PRRC2B: variants seen among roughly 807,000 people sequenced by gnomAD.
PRRC2B encodes the protein protein PRRC2B.
In PRRC2B, 68 loss-of-function variants were observed where a neutral mutation model predicts 242.3. The observed-to-expected ratio is 0.28, with a 90% CI of 0.23 to 0.34. The LOEUF is 0.34. PRRC2B is among the 10% of genes least tolerant of loss of function. The probability of loss-of-function intolerance (pLI) is 1.00; values close to 1 mark genes in which losing one functional copy is unlikely to be tolerated. For missense variants in PRRC2B, 2,835 were observed against 2,954.8 expected (o/e 0.96, Z 0.94); for synonymous variants, 1,228 against 1,173.6 (o/e 1.05, Z -0.95).
Position 131,475,579 on chromosome 9 carries a change from G to A in PRRC2B, c.3450G>A (p.Gln1150=). The change falls in exon 16 of 32, where the codon CAG becomes CAA. Residue 1150 remains glutamine (Q), a synonymous_variant. Coordinates refer to ENST00000683519, the MANE Select transcript of PRRC2B (RefSeq NM_013318.4). ...EYEELPKRRR[Q]RGSENGNEGS... ...AAGAACTTCCCAAGCGCCGCCGGCA[G>A]AGGGGCTCCGAGAACGGGAATGAAG... is the stretch of plus-strand genomic sequence containing the variant. 6.2e-7 allele frequency: 1 copy of A among 1,612,890 alleles called. No individual in the cohort carries two copies. Among genetic ancestry groups the A allele is most frequent in the Non-Finnish European group, 8.5e-7 (1 of 1,179,834 alleles).
intron 19 of PRRC2B, among the ~76,000 whole-genome samples, chr9:131,480,703 A>C (rs961201405): frequency 6.6e-6 from 1 of 151,728 alleles, no homozygotes; most frequent in Non-Finnish European, 1.5e-5. Flanking sequence ...CTTCTGCCTC[A>C]GCCTCCTGAG....
chr9:131,403,360 AT>A (rs908451570), intron 1 of PRRC2B, among the ~76,000 whole-genome samples: 5 of 150,566 alleles, frequency 3.3e-5, no homozygotes, highest in Admixed American at 6.6e-5. Flanking sequence ...TTATTTATTT[AT>A]TTTTTTTTGA....
At chr9:131,412,775 A>G (rs1216270775) in intron 1 of PRRC2B, among the ~76,000 whole-genome samples, 2 of 149,786 alleles carry the variant, frequency 1.3e-5, no homozygotes, top group Admixed American at 6.8e-5. Flanking sequence ...GGCCAAGAAT[A>G]ATCAAAGCAT....
At chr9:131,414,615 G>A (rs983857131) in intron 1 of PRRC2B, among the ~76,000 whole-genome samples, 1 of 148,470 alleles carries the variant, frequency 6.7e-6, no homozygotes, top group African/African-American at 2.5e-5. Flanking sequence ...GTGTCGCCCA[G>A]ACTGGAGTGT....
chr9:131,482,302 A>C lies in PRRC2B; in HGVS notation c.4984-69A>C. The C allele has an allele frequency of 6.8e-7, 1 of 1,471,448 alleles. No homozygotes were observed. The highest frequency in any genetic ancestry group is 9.2e-7 in the Non-Finnish European group (1 of 1,092,436). The allele number at this position is 1,471,448 out of a possible 1,614,324, so 91.1% of individuals were successfully genotyped here. Reference sequence around the variant, plus strand: ...TGGGGTAGAAAAGTCTCTGTGCCACATGCAGTTTTACTCTCTGGATAATCG... The same window carrying C: ...TGGGGTAGAAAAGTCTCTGTGCCACCTGCAGTTTTACTCTCTGGATAATCG... On this transcript the variant is annotated intron_variant, in intron 20 of 31. Coordinates refer to ENST00000683519, the MANE Select transcript of PRRC2B (RefSeq NM_013318.4). The surrounding 1 kb of genome is among the most constrained non-coding windows in gnomAD (Gnocchi z 5.2).
chr9:131,481,581 G>A (rs981892358), intron 19 of PRRC2B, 145 bp from the exon 20 acceptor site: 34 of 665,592 alleles, frequency 5.1e-5, no homozygotes, highest in Non-Finnish European at 8.6e-5. Flanking sequence ...TGGGTGTCAC[G>A]GGTAGGGGGC....
chr9:131,462,941 G>A (rs1373844850), intron 11 of PRRC2B, among the ~76,000 whole-genome samples: 2 of 149,866 alleles, frequency 1.3e-5, no homozygotes, highest in African/African-American at 2.4e-5. Flanking sequence ...CACATCAAAG[G>A]TCTTGACGGT....
At chr9:131,378,020 C>T (rs976737161) in intron 1 of PRRC2B, among the ~76,000 whole-genome samples, 10 of 152,162 alleles carry the variant, frequency 6.6e-5, no homozygotes, top group South Asian at 4.1e-4. Flanking sequence ...CCTTTCAAAG[C>T]GCTGGGATGG....
Position 131,495,727 on chromosome 9 carries a change from C to T in PRRC2B, c.6556-13C>T. ...TCAGGGTCACTTTGTTTTTCCCATT[C>T]ATCTGTCCAAAGGCAAAACAACGAG... On this transcript the variant is annotated splice_polypyrimidine_tract_variant and intron_variant, in intron 31 of 31. Transcript: ENST00000683519. 1.9e-6 allele frequency: 3 copies of T among 1,595,430 alleles called. No individual in the cohort carries two copies. Among genetic ancestry groups the T allele is most frequent in the Non-Finnish European group, 2.6e-6 (3 of 1,164,402 alleles).
chr9:131,497,718 A>T lies in PRRC2B; in HGVS notation c.*1844A>T, dbSNP rs1052912052. On this transcript the variant is annotated 3_prime_UTR_variant, in exon 32 of 32. Transcript: ENST00000683519. ...TTTACTGAAAGGTGCTTTACTGTTC[A>T]CCTGCATCTTTCAGCAGCTCCCCTC... The T allele has an allele frequency of 6.6e-6, 1 of 152,232 alleles. No individual in the cohort carries two copies. The highest frequency in any genetic ancestry group is 2.4e-5 in the African/African-American group (1 of 41,432). The allele number at this position is 152,232 out of a possible 1,614,324, so 9.4% of individuals were successfully genotyped here.
chr9:131,478,303 T>C (rs1407129331), intron 17 of PRRC2B, among the ~76,000 whole-genome samples, 171 bp from the exon 18 acceptor site: 1 of 152,136 alleles, frequency 6.6e-6, no homozygotes, highest in Non-Finnish European at 1.5e-5. Context: ...CTTGGGCCTC[T>C]TTGGTTTGGG....
intron 9 of PRRC2B, 64 bp downstream of exon 9, chr9:131,447,868 A>T: frequency 6.6e-7 from 1 of 1,506,788 alleles, no homozygotes; most frequent in African/African-American, 1.4e-5. Flanking sequence ...CTTACCAGGG[A>T]TGGAAACCCC....
chr9:131,486,484 T>C (rs773684906), intron 26 of PRRC2B: 4 of 985,386 alleles, frequency 4.1e-6, no homozygotes, highest in Non-Finnish European at 3.6e-6. Flanking sequence ...TGATCAGGTA[T>C]CCTTCTGATG....
At chr9:131,412,318 AT>A (rs1166530639) in intron 1 of PRRC2B, among the ~76,000 whole-genome samples, 1 of 151,264 alleles carries the variant, frequency 6.6e-6, no homozygotes, top group Non-Finnish European at 1.5e-5. Flanking sequence ...TTGATTCAAC[AT>A]TTTTTTTGTG....
At position 131,475,084 on chromosome 9, in the gene PRRC2B, G is replaced by A; in HGVS notation, c.2955G>A (p.Lys985=). 1 of 1,611,232 alleles carries A rather than the reference G, an allele frequency of 6.2e-7. No individual in the cohort carries two copies. Among genetic ancestry groups the A allele is most frequent in the South Asian group, 1.1e-5 (1 of 90,412 alleles). ...AGGAGCAGAGCCCCACGGCAGAAAA[G>A]GATGAGGACGAAGAGAACGATGCCT... is the stretch of plus-strand genomic sequence containing the variant. ...KEKEQSPTAE[K]DEDEENDASL... Residue 985 remains lysine (K), a synonymous_variant, in exon 16 of 32, where the codon AAG becomes AAA. Transcript: ENST00000683519.
intron 13 of PRRC2B, among the ~76,000 whole-genome samples, chr9:131,470,351 C>T (rs976728930): frequency 5.9e-5 from 9 of 152,172 alleles, no homozygotes; most frequent in Non-Finnish European, 1.3e-4. Flanking sequence ...TCATCCTAGT[C>T]AAGGATGGAA....
intron 1 of PRRC2B, among the ~76,000 whole-genome samples, chr9:131,396,770 T>C (rs1378755772): frequency 6.6e-6 from 1 of 152,098 alleles, no homozygotes; most frequent in Non-Finnish European, 1.5e-5. Context: ...TTAGTACAGC[T>C]AGGGAGCTCA....
rs1204474361 is a variant in PRRC2B at position 131,411,700 on chromosome 9, C to G, written c.-52+17437C>G. 3.3e-5 allele frequency among the ~76,000 whole-genome samples: 5 copies of G among 151,110 alleles called. No homozygotes were observed. In the Admixed American group the frequency reaches 3.3e-4, roughly 10 times the overall value. On this transcript the variant is annotated intron_variant, in intron 1 of 31. Transcript: ENST00000683519. Reference sequence around the variant, plus strand: ...TGTGGTTTTGAATTCCACTTAGATTCAAAACTTTTTTAGTAGAGAGTGTTA... The same window carrying G: ...TGTGGTTTTGAATTCCACTTAGATTGAAAACTTTTTTAGTAGAGAGTGTTA...
Position 131,448,548 on chromosome 9 carries a change from A to AAAAAACAAAAAAAAAC in PRRC2B, c.1120+749_1120+750insCAAAAAAAAACAAAAA, listed in dbSNP as rs1838891831. 7.2e-5 allele frequency among the ~76,000 whole-genome samples: 6 copies of AAAAAACAAAAAAAAAC among 83,136 alleles called. 1 individual carries two copies. The Admixed American group carries it at 9.2e-4, about 13-fold the overall frequency. 54.5% of individuals were successfully genotyped at this position (83,136 alleles called of 152,430 possible). A position where few individuals can be genotyped will look rare whatever the true frequency, so the allele number is the denominator to read the frequency against. ...GACAGAGGGAGACACTGTCTCAAAAAAAAAAAAAAAAAAAAAAAAAAAGGA... is the reference window on the plus strand; with the variant it reads ...GACAGAGGGAGACACTGTCTCAAAAAAAAAACAAAAAAAAACAAAAAAAAAAAAAAAAAAAAAAGGA... On this transcript the variant is annotated intron_variant, in intron 9 of 31. Coordinates refer to ENST00000683519, the MANE Select transcript of PRRC2B (RefSeq NM_013318.4).
Sources: allele counts gnomAD v4.1 joint callset (sites outside exome capture counted in the v4.1 genomes callset), GRCh38; gene constraint gnomAD v4.1.1; non-coding constraint Gnocchi (gnomAD v3.1); transcripts MANE v1.5; gene names NCBI Gene and HGNC (gene_info 2026-07-23, HGNC 2026-07-21).